Variants in SCML2 observed in about 807,000 individuals in gnomAD.
The protein encoded by SCML2 is sex comb on midleg-like protein 2.
In SCML2, 6 loss-of-function variants were observed where a neutral mutation model predicts 48.4. That is an observed-to-expected ratio of 0.12 (90% CI 0.07 to 0.24). The LOEUF (loss-of-function observed/expected upper bound fraction) is 0.24, where lower values mean the gene tolerates loss of function less well. SCML2 is among the 10% of genes least tolerant of loss of function. The pLI, the probability that SCML2 is intolerant of heterozygous loss-of-function variation, is 1.00. For synonymous variants in SCML2, 181 were observed against 189.5 expected (o/e 0.95, Z 0.37); for missense variants, 377 against 528.2 (o/e 0.71, Z 2.81).
chrX:18,246,486 C>A, intron 13 of SCML2, 91 bp downstream of exon 13: 1 of 1,029,852 alleles, frequency 9.7e-7, no homozygotes, highest in Non-Finnish European at 1.3e-6. Context: ...TTAGCACTTT[C>A]TCCAATGTGA....
At chrX:18,260,070 C>T (rs1927004707) in intron 9 of SCML2, 101 bp downstream of exon 9, 6 of 550,556 alleles carry the variant, frequency 1.1e-5, no homozygotes, top group Non-Finnish European at 1.6e-5. Context: ...ATATTACCAT[C>T]TTTTTCCCTT....
At chrX:18,344,215 G>A (rs190006697) in intron 1 of SCML2, among the ~76,000 whole-genome samples, 1 of 110,333 alleles carries the variant, frequency 9.1e-6, no homozygotes, top group Non-Finnish European at 1.9e-5. Context: ...CCAAATTCTT[G>A]CCATCCAAAA....
At chrX:18,286,836 G>A (rs1257197520) in intron 7 of SCML2, among the ~76,000 whole-genome samples, 1 of 111,678 alleles carries the variant, frequency 9.0e-6, no homozygotes, top group Non-Finnish European at 1.9e-5. Context: ...ACAAGGAAAA[G>A]GGATGAAGTT....
chrX:18,246,973 A>G, intron 12 of SCML2, 145 bp from the exon 13 acceptor site: 1 of 589,426 alleles, frequency 1.7e-6, no homozygotes, highest in Middle Eastern at 5.2e-4. Flanking sequence ...GTTCATGGCT[A>G]TCCCCTCCTT....
chrX:18,294,359 G>A (rs531546388), intron 7 of SCML2, among the ~76,000 whole-genome samples: 3 of 111,258 alleles, frequency 2.7e-5, no homozygotes, highest in South Asian at 3.8e-4. Flanking sequence ...CTGAGAGCCC[G>A]AAGAGGCTCT....
At chrX:18,342,457 A>G (rs1005438694) in intron 1 of SCML2, among the ~76,000 whole-genome samples, 4 of 112,228 alleles carry the variant, frequency 3.6e-5, no homozygotes, top group African/African-American at 1.3e-4. Context: ...CACGCCTGTA[A>G]TCCCAGCACT....
At chrX:18,283,854 T>C in intron 7 of SCML2, among the ~76,000 whole-genome samples, 1 of 112,361 alleles carries the variant, frequency 8.9e-6, no homozygotes, top group East Asian at 2.8e-4. Flanking sequence ...AAAACAGCCA[T>C]ACTGTGTAAG....
At chrX:18,256,751 G>T in intron 11 of SCML2, 97 bp downstream of exon 11, 1 of 677,282 alleles carries the variant, frequency 1.5e-6, no homozygotes, top group Non-Finnish European at 2.1e-6. Flanking sequence ...TTAGTTCACT[G>T]TGGCTAAAAT....
At chrX:18,272,656 G>A (rs111756549) in intron 7 of SCML2, among the ~76,000 whole-genome samples, 1,187 of 111,961 alleles carry the variant, frequency 0.011, 11 homozygotes, top group African/African-American at 0.035. Context: ...AATTTTGCAC[G>A]TGGCACATTT....
intron 7 of SCML2, among the ~76,000 whole-genome samples, chrX:18,299,946 C>T (rs1602116824): frequency 9.1e-6 from 1 of 110,064 alleles, no homozygotes; most frequent in Admixed American, 9.7e-5. Flanking sequence ...CACTGTGTTG[C>T]CCAGGCTGGT....
At chrX:18,242,750 T>C (rs1381540652) in intron 13 of SCML2, among the ~76,000 whole-genome samples, 160 bp from the exon 14 acceptor site, 1 of 111,822 alleles carries the variant, frequency 8.9e-6, no homozygotes, top group South Asian at 3.7e-4. Flanking sequence ...ACAAAAATGA[T>C]GTGAGGATGG....
intron 14 of SCML2, 120 bp from the exon 15 acceptor site, chrX:18,241,499 A>C (rs777033381): frequency 2.4e-6 from 1 of 412,913 alleles, no homozygotes; most frequent in Admixed American, 5.2e-5. Context: ...AATATGCTTT[A>C]TTTCCTGAAA....
In SCML2 at chrX:18,338,182, G is replaced by A. The variant is rs766722760; in HGVS notation, c.-24-4087C>T. 4.5e-5 allele frequency among the ~76,000 whole-genome samples: 5 copies of A among 111,809 alleles called. No individual in the cohort carries two copies. In the East Asian group the frequency reaches 1.4e-3, roughly 32 times the overall value. On this transcript the variant is annotated intron_variant, in intron 1 of 14. Coordinates refer to ENST00000251900, the MANE Select transcript of SCML2 (RefSeq NM_006089.3). ...GAAAGGGCCAGGCACGGTGGCTCAC[G>A]CCTGTAATCCCAGCACTTTGGGAGG...
At chrX:18,305,276 T>C in intron 6 of SCML2, 61 bp from the exon 7 acceptor site, 1 of 1,086,732 alleles carries the variant, frequency 9.2e-7, no homozygotes. Flanking sequence ...ACTCATGTGC[T>C]CGAAGTGAAA....
At chrX:18,299,074 G>A (rs1928491267) in intron 7 of SCML2, among the ~76,000 whole-genome samples, 1 of 111,711 alleles carries the variant, frequency 9.0e-6, no homozygotes, top group African/African-American at 3.2e-5. Flanking sequence ...AAAAGCTTAT[G>A]CACTGCAAAG....
At chrX:18,328,793 A>G (rs751554904) in intron 3 of SCML2, among the ~76,000 whole-genome samples, 1 of 112,394 alleles carries the variant, frequency 8.9e-6, no homozygotes, top group East Asian at 2.8e-4. Flanking sequence ...ATGAGTTAAT[A>G]AAACAGATTA....
At chrX:18,345,472 C>A (rs1261917844) in intron 1 of SCML2, among the ~76,000 whole-genome samples, 3 of 109,940 alleles carry the variant, frequency 2.7e-5, no homozygotes, top group African/African-American at 6.6e-5. Context: ...CTCGCTACAA[C>A]CTCAACCTCC....
chrX:18,247,665 G>T, intron 12 of SCML2, 104 bp downstream of exon 12: 1 of 551,212 alleles, frequency 1.8e-6, no homozygotes, highest in Non-Finnish European at 2.9e-6. Context: ...ACTTGTTTGG[G>T]CAAATTTACC....
chrX:18,324,311 C>T (rs2147543474), intron 4 of SCML2, among the ~76,000 whole-genome samples: 1 of 111,556 alleles, frequency 9.0e-6, no homozygotes, highest in East Asian at 2.8e-4. Flanking sequence ...TCTCACTCAT[C>T]TGCCCACTTC....
Sources: allele counts gnomAD v4.1 joint callset (sites outside exome capture counted in the v4.1 genomes callset), GRCh38; gene constraint gnomAD v4.1.1; transcripts MANE v1.5; gene names NCBI Gene and HGNC (gene_info 2026-07-23, HGNC 2026-07-21).